The following BTN2A1 variants were observed in gnomAD, a reference collection of about 807,000 sequenced individuals.
BTN2A1 encodes the protein butyrophilin subfamily 2 member A1.
A neutral mutation model predicts 34.5 loss-of-function variants in BTN2A1; 41 were observed. That is an observed-to-expected ratio of 1.19 (90% CI 0.93 to 1.54). The LOEUF (loss-of-function observed/expected upper bound fraction) is 1.54. BTN2A1 is among the 40% of genes most tolerant of loss of function. The pLI is 0.00. For synonymous variants in BTN2A1, 267 were observed against 258.6 expected, an observed-to-expected ratio of 1.03 and a Z score of -0.31; for missense variants, 642 against 662.0, an observed-to-expected ratio of 0.97 and a Z score of 0.33.
At position 26,462,717 on chromosome 6, in the gene BTN2A1, G is replaced by A. The variant is rs531067353; in HGVS notation, c.431-527G>A. ...ATGTGAAGTTCTGAACTAGACAGAA[G>A]GGTCAATGTCTTTGGATCAAAAGGT... On this transcript the variant is annotated intron_variant, in intron 3 of 7. Transcript: ENST00000312541. 16 of 955,002 alleles carry A rather than the reference G, an allele frequency of 1.7e-5. No individual in the cohort carries two copies. The African/African-American group carries it at 2.0e-4, about 12-fold the overall frequency. The allele number at this position is 955,002 out of a possible 1,614,324, so 59.2% of individuals were successfully genotyped here.
At chr6:26,459,394 G>A in intron 2 of BTN2A1, 87 bp from the exon 3 acceptor site, 1 of 1,443,140 alleles carries the variant, frequency 6.9e-7, no homozygotes, top group Non-Finnish European at 9.5e-7. Flanking sequence ...GAAAAAATAA[G>A]TTTGTCCCTA....
chr6:26,464,464 A>G (rs1763255102), intron 4 of BTN2A1, among the ~76,000 whole-genome samples: 1 of 152,238 alleles, frequency 6.6e-6, no homozygotes, highest in Admixed American at 6.5e-5. Flanking sequence ...GAGACATTGC[A>G]ATTCTTAACA....
Position 26,459,637 on chromosome 6 carries a change from G to A in BTN2A1, c.239G>A (p.Gly80Asp). Residue 80 changes from glycine (G) to aspartate (D), a missense_variant, in exon 3 of 8, where the codon GGT becomes GAT. Coordinates refer to ENST00000312541, the MANE Select transcript of BTN2A1 (RefSeq NM_007049.5). ...TCCCCCGCAGTGTTTGTGTATAAAG[G>A]TGGCAGAGAGAGAACAGAGGAGCAG... ...QFSPAVFVYK[G>D]GRERTEEQME... 1.2e-6 allele frequency: 2 copies of A among 1,614,148 alleles called. No individual in the cohort carries two copies. Among genetic ancestry groups the A allele is most frequent in the Non-Finnish European group, 1.7e-6 (2 of 1,180,028 alleles).
At chr6:26,461,699 C>A (rs1186169685) in intron 3 of BTN2A1, among the ~76,000 whole-genome samples, 2 of 152,124 alleles carry the variant, frequency 1.3e-5, no homozygotes, top group African/African-American at 4.8e-5. Context: ...CAGAGAATCA[C>A]TTGAATTCAG....
In BTN2A1 at chr6:26,463,346, G is replaced by A. The variant is rs13195401; in HGVS notation, c.533G>A (p.Trp178Ter). The stretch of plus-strand genomic sequence containing the variant: ...TGGTACCCAAAGCCCCTCACAGTGT[G>A]GAGGGACCCCTACGGTGGGGTTGCG... ...RGWYPKPLTVWRDPYGGVAPA... is the reference protein window; with the variant it reads ...RGWYPKPLTV Residue 178 changes from tryptophan (W) to a stop codon, truncating the protein, a stop_gained, in exon 4 of 8, where the codon TGG (tryptophan) becomes TAG (stop). Coordinates refer to ENST00000312541, the MANE Select transcript of BTN2A1 (RefSeq NM_007049.5). LOFTEE classifies it high-confidence loss of function. The A allele has an allele frequency of 1.2e-6, 2 of 1,613,864 alleles. No homozygotes were observed. The highest frequency in any genetic ancestry group is 1.7e-5 in the Admixed American group (1 of 59,986).
In BTN2A1 at chr6:26,468,387, A is replaced by G. The variant is rs753903964; in HGVS notation, c.1422A>G (p.Thr474=). 2 of 1,614,076 alleles carry G rather than the reference A, an allele frequency of 1.2e-6. No homozygotes were observed. The highest frequency in any genetic ancestry group is 1.1e-5 in the South Asian group (1 of 91,092). ...YNMRDRSHIY[T]CPRSAFSVPV... is the part of the protein sequence containing the mutation. ...TGAGGGACAGATCGCACATCTACACATGTCCCCGTTCAGCCTTTTCCGTGC... is the reference window on the plus strand; with the variant it reads ...TGAGGGACAGATCGCACATCTACACGTGTCCCCGTTCAGCCTTTTCCGTGC... Residue 474 remains threonine, a synonymous_variant, in exon 8 of 8, where the codon ACA becomes ACG. Coordinates refer to ENST00000312541, the MANE Select transcript of BTN2A1 (RefSeq NM_007049.5).
chr6:26,464,574 A>G (rs1226624706), intron 4 of BTN2A1, among the ~76,000 whole-genome samples: 5 of 152,184 alleles, frequency 3.3e-5, no homozygotes, highest in Non-Finnish European at 7.3e-5. Context: ...ACCCAGCTAC[A>G]GGAAGAGCAT....
rs753249939 is a variant in BTN2A1, at chr6:26,459,713, G to A, written c.315G>A (p.Arg105=). 2.5e-6 allele frequency: 4 copies of A among 1,614,136 alleles called. 1 individual carries two copies. Among genetic ancestry groups the A allele is most frequent in the Non-Finnish European group, 3.4e-6 (4 of 1,180,014 alleles). Residue 105 remains arginine (R), a synonymous_variant, in exon 3 of 8, where the codon AGG becomes AGA. Coordinates refer to ENST00000312541, the MANE Select transcript of BTN2A1 (RefSeq NM_007049.5). ...CCTTTGTGAGCAAAGACATCAGCAG[G>A]GGCAGCGTGGCCCTGGTCATACACA... ...RTTFVSKDIS[R]GSVALVIHNI... is the part of the protein sequence containing the mutation.
At chr6:26,463,911 C>T (rs1024280192) in intron 4 of BTN2A1, among the ~76,000 whole-genome samples, 3 of 152,118 alleles carry the variant, frequency 2.0e-5, no homozygotes, top group Admixed American at 2.0e-4. Context: ...AAGCAATTCT[C>T]ATACCTCAGC....
intron 7 of BTN2A1, among the ~76,000 whole-genome samples, chr6:26,467,294 T>C (rs1311548252): frequency 6.6e-6 from 1 of 152,086 alleles, no homozygotes; most frequent in East Asian, 1.9e-4. Flanking sequence ...CCAGAGATCA[T>C]AGGTCTTCAT....
In BTN2A1 at chr6:26,465,417, C is replaced by G. The variant is rs1343466839; in HGVS notation, c.934+11C>G. 2.5e-6 allele frequency: 4 copies of G among 1,612,438 alleles called. No individual in the cohort carries two copies. In the South Asian group the frequency reaches 4.4e-5, roughly 18 times the overall value. On this transcript the variant is annotated intron_variant, in intron 5 of 7. Coordinates refer to ENST00000312541, the MANE Select transcript of BTN2A1 (RefSeq NM_007049.5). The stretch of plus-strand genomic sequence containing the variant: ...AACTTCAAGTAAAAGGTAAAAGAGG[C>G]TGAGTATGGTGGCTCATGGCTTGAA...
chr6:26,462,533 TA>T (rs757835876), intron 3 of BTN2A1, among the ~76,000 whole-genome samples: 9 of 152,288 alleles, frequency 5.9e-5, no homozygotes, highest in Non-Finnish European at 1.0e-4. Flanking sequence ...ACAGCAGAGC[TA>T]AAACCCTGTC....
downstream of BTN2A1, among the ~76,000 whole-genome samples, chr6:26,471,498 C>T (rs1377015898): frequency 6.6e-6 from 1 of 152,198 alleles, no homozygotes; most frequent in African/African-American, 2.4e-5. Context: ...GAGGCCAAGG[C>T]AGGTGGATCA....
In BTN2A1 at chr6:26,467,718, G is replaced by T. The variant is rs1763352736; in HGVS notation, c.983-230G>T. ...TTTGCTAAACTTTCCGGATTTCTTA[G>T]AGCTCCAATTCTTCTCAAACTGAGA... is the stretch of plus-strand genomic sequence containing the variant. On this transcript the variant is annotated intron_variant, in intron 7 of 7. Transcript: ENST00000312541. The T allele has an allele frequency of 1.9e-6, 3 of 1,590,860 alleles. No individual in the cohort carries two copies. The South Asian group carries it at 3.4e-5, about 18-fold the overall frequency.
chr6:26,469,483 T>C lies in BTN2A1; in HGVS notation c.*934T>C. 1 of 295,286 alleles carries C rather than the reference T, an allele frequency of 3.4e-6. No homozygotes were observed. The highest frequency in any genetic ancestry group is 5.0e-6 in the Non-Finnish European group (1 of 199,030). The allele number at this position is 295,286 out of a possible 1,614,324, so 18.3% of individuals were successfully genotyped here. On this transcript the variant is annotated 3_prime_UTR_variant, in exon 8 of 8. Coordinates refer to ENST00000312541, the MANE Select transcript of BTN2A1 (RefSeq NM_007049.5). The stretch of plus-strand genomic sequence containing the variant: ...AAGAAATGTTTTAATTTATTACCTT[T>C]ACAACATTTATTTACATTACATACA...
chr6:26,471,210 G>T (rs966569585), downstream of BTN2A1, among the ~76,000 whole-genome samples: 1 of 152,218 alleles, frequency 6.6e-6, no homozygotes, highest in East Asian at 1.9e-4. Context: ...GGTTGTTTAT[G>T]TGCATGTTTT....
At chr6:26,473,003 A>G (rs764325237), downstream of BTN2A1, among the ~76,000 whole-genome samples, 19 of 152,230 alleles carry the variant, frequency 1.2e-4, no homozygotes, top group Non-Finnish European at 2.5e-4. Context: ...CAATTAGGAA[A>G]GTGTGGGTAT....
chr6:26,474,276 C>G (rs1351525064), downstream of BTN2A1, among the ~76,000 whole-genome samples: 2 of 152,190 alleles, frequency 1.3e-5, no homozygotes, highest in Admixed American at 1.3e-4. Flanking sequence ...GCCAAGTGAT[C>G]AGACTATGTT....
chr6:26,458,313 A>C (rs1298316059), intron 1 of BTN2A1, among the ~76,000 whole-genome samples, 171 bp downstream of exon 1: 1 of 151,938 alleles, frequency 6.6e-6, no homozygotes, highest in Admixed American at 6.6e-5. Flanking sequence ...CGCGGGGAGG[A>C]GGAAGTGAAG....
Sources: gnomAD v4.1 joint callset for allele counts (sites outside exome capture counted in the v4.1 genomes callset) on GRCh38, gnomAD v4.1.1 for gene constraint, MANE v1.5 for transcripts, NCBI Gene and HGNC (gene_info 2026-07-23, HGNC 2026-07-21) for gene names.